STX1A: variants seen among roughly 807,000 people sequenced by gnomAD.
STX1A encodes the protein syntaxin-1A.
STX1A carries 4 observed loss-of-function variants against 37.8 expected under a neutral mutation model. The ratio of observed to expected loss-of-function variants is 0.11; its 90% CI spans 0.05 to 0.24. STX1A has a LOEUF of 0.24. Ranked by LOEUF, STX1A falls within the 10% of genes least tolerant of loss-of-function variation. The probability of loss-of-function intolerance (pLI) is 1.00; values close to 1 mark genes in which losing one functional copy is unlikely to be tolerated. For synonymous variants in STX1A, 135 were observed against 147.4 expected (o/e 0.92, Z 0.61); for missense variants, 251 against 399.9 (o/e 0.63, Z 3.18).
chr7:73,714,362 T>C (rs994297332), intron 1 of STX1A, among the ~76,000 whole-genome samples: 2 of 151,872 alleles, frequency 1.3e-5, no homozygotes, highest in Admixed American at 6.6e-5. Context: ...CCCGCCTCGG[T>C]CTCCCAAAGT....
At chr7:73,715,377 G>A (rs1402468074) in intron 1 of STX1A, among the ~76,000 whole-genome samples, 4 of 150,746 alleles carry the variant, frequency 2.7e-5, no homozygotes, top group African/African-American at 9.8e-5. Flanking sequence ...AGCTGAGATG[G>A]CACCATTGCA....
chr7:73,713,370 T>G (rs1441772636), intron 1 of STX1A, among the ~76,000 whole-genome samples: 2 of 152,150 alleles, frequency 1.3e-5, no homozygotes, highest in African/African-American at 4.8e-5. Flanking sequence ...AAAATGTAAC[T>G]AGGTGATGTG....
Position 73,709,064 on chromosome 7 carries a change from A to T in STX1A, c.89T>A (p.Met30Lys). 1 of 1,614,010 alleles carries T rather than the reference A, an allele frequency of 6.2e-7. No individual in the cohort carries two copies. The highest frequency in any genetic ancestry group is 2.2e-5 in the East Asian group (1 of 44,872). Residue 30 changes from methionine to lysine, a missense_variant, in exon 2 of 10, where the codon ATG (methionine) becomes AAG (lysine). Physicochemically the swap from Met to Lys is moderately conservative, Grantham distance 95. Transcript: ENST00000222812. This position sits in a 1 kb window ranked among gnomAD's most constrained non-coding sequence, Gnocchi z 4.2. ...VAVTVDRDRF[M>K]DEFFEQVEEI... Reference sequence around the variant, plus strand: ...TCCCACCTGCTCAAAGAACTCATCCATGAAGCGGTCTCGGTCCACGGTGAC... The same window carrying T: ...TCCCACCTGCTCAAAGAACTCATCCTTGAAGCGGTCTCGGTCCACGGTGAC...
Position 73,706,955 on chromosome 7 carries a change from G to A in STX1A, c.208+1634C>T, listed in dbSNP as rs1554617104. ...CACCTGACCCATTTTGCCTTCTGAGGGCGGGGCACTGGCTTAGTTGGTGTG... is the reference window on the plus strand; with the variant it reads ...CACCTGACCCATTTTGCCTTCTGAGAGCGGGGCACTGGCTTAGTTGGTGTG... On this transcript the variant is annotated intron_variant, in intron 3 of 9. Transcript: ENST00000222812. This position sits in a 1 kb window ranked among gnomAD's most constrained non-coding sequence, Gnocchi z 4.6. 6.6e-6 allele frequency among the ~76,000 whole-genome samples: 1 copy of A among 152,172 alleles called. No homozygotes were observed. Among genetic ancestry groups the A allele is most frequent in the Non-Finnish European group, 1.5e-5 (1 of 68,036 alleles).
rs999181696 is a variant in STX1A at position 73,700,254 on chromosome 7, G to A, written c.*153C>T. 11 of 697,572 alleles carry A rather than the reference G, an allele frequency of 1.6e-5. 1 individual carries two copies. The highest frequency in any genetic ancestry group is 8.6e-5 in the South Asian group (5 of 57,948). The allele number at this position is 697,572 out of a possible 1,614,324, so 43.2% of individuals were successfully genotyped here. On this transcript the variant is annotated 3_prime_UTR_variant, in exon 10 of 10. Coordinates refer to ENST00000222812, the MANE Select transcript of STX1A (RefSeq NM_004603.4). The surrounding 1 kb of genome is among the most constrained non-coding windows in gnomAD (Gnocchi z 4.4). ...CATGCACACGACACGGGGCGGGGAC[G>A]GAGGGCCCATGGCAGAGAAGGGAGC...
chr7:73,700,696 GGGGCATGGCCTT>G lies in STX1A; in HGVS notation c.789+22_789+33del, dbSNP rs1478523122. The G allele has an allele frequency of 3.1e-6, 5 of 1,612,040 alleles. No individual in the cohort carries two copies. The highest frequency in any genetic ancestry group is 4.2e-6 in the Non-Finnish European group (5 of 1,179,534). On this transcript the variant is annotated intron_variant, in intron 9 of 9. Coordinates refer to ENST00000222812, the MANE Select transcript of STX1A (RefSeq NM_004603.4). This position sits in a 1 kb window ranked among gnomAD's most constrained non-coding sequence, Gnocchi z 4.4. ...TGGTTGGGGGTCCCTAATGGGTGCT[GGGGCATGGCCTT>G]GGGCAGGGCTGGGCTACTGACCCGG...
At position 73,719,534 on chromosome 7, in the gene STX1A, C is replaced by G. The variant is rs1211423126; in HGVS notation, c.30+68G>C. The G allele has an allele frequency of 4.2e-6, 5 of 1,186,484 alleles. No homozygotes were observed. In the African/African-American group the frequency reaches 6.4e-5, roughly 15 times the overall value. The allele number at this position is 1,186,484 out of a possible 1,614,324, so 73.5% of individuals were successfully genotyped here. Reference sequence around the variant, plus strand: ...CACCATCCTGGCCGCGGGAGCCGGGCGGGAAGTGTCCGGCGCGTTGGCGCT... The same window carrying G: ...CACCATCCTGGCCGCGGGAGCCGGGGGGGAAGTGTCCGGCGCGTTGGCGCT... On this transcript the variant is annotated intron_variant, in intron 1 of 9. Transcript: ENST00000222812.
At chr7:73,719,350 A>G (rs1482802519) in intron 1 of STX1A, among the ~76,000 whole-genome samples, 1 of 152,142 alleles carries the variant, frequency 6.6e-6, no homozygotes, top group Non-Finnish European at 1.5e-5. Flanking sequence ...CGAAAAGTTT[A>G]TCCAGGACCC....
In STX1A at chr7:73,717,277, TCAGCC is replaced by T. The variant is rs782280966; in HGVS notation, c.30+2320_30+2324del. ...CCGCTGTCCCCAGCACCATCTCTGT[TCAGCC>T]CAGCCCAGCCCAGCCCGCCCCAGTC... On this transcript the variant is annotated intron_variant, in intron 1 of 9. Coordinates refer to ENST00000222812, the MANE Select transcript of STX1A (RefSeq NM_004603.4). The surrounding 1 kb of genome is among the most constrained non-coding windows in gnomAD (Gnocchi z 4.1). Among the ~76,000 whole-genome samples the T allele has an allele frequency of 3.9e-5, 6 of 151,940 alleles. No homozygotes were observed. Among genetic ancestry groups the T allele is most frequent in the Non-Finnish European group, 8.8e-5 (6 of 67,976 alleles).
Position 73,702,554 on chromosome 7 carries a change from GGCCCACAGT to G in STX1A, c.678+282_678+290del. The G allele has an allele frequency of 1.3e-6, 1 of 787,440 alleles. No individual in the cohort carries two copies. 48.8% of individuals were successfully genotyped at this position (787,440 alleles called of 1,614,324 possible). The stretch of plus-strand genomic sequence containing the variant: ...GCCTTCAGTCTCTGGGGAAATGCGT[GGCCCACAGT>G]GGCCCCATGAGGAAACAGTAGTAGG... On this transcript the variant is annotated intron_variant, in intron 8 of 9. Coordinates refer to ENST00000222812, the MANE Select transcript of STX1A (RefSeq NM_004603.4). This position sits in a 1 kb window ranked among gnomAD's most constrained non-coding sequence, Gnocchi z 4.7.
Position 73,700,478 on chromosome 7 carries a change from T to G in STX1A, c.796A>C (p.Ile266Leu). The change falls in exon 10 of 10, where the codon ATC becomes CTC. Residue 266 changes from isoleucine to leucine, a missense_variant. Around this residue, in one of 2 missense-constraint regions of STX1A, gnomAD observed 214 missense variants for 367.6 expected, o/e 0.58. Coordinates refer to ENST00000222812, the MANE Select transcript of STX1A (RefSeq NM_004603.4). The surrounding 1 kb of genome is among the most constrained non-coding windows in gnomAD (Gnocchi z 4.4). ...ATCACACAGCAGATGATGATCATGA[T>G]TTTCTTCTGCATGGGAAGCGGGCAG... The part of the protein sequence containing the change: ...KYQSKARRKK[I>L]MIIICCVILG... 6.2e-7 allele frequency: 1 copy of G among 1,613,900 alleles called. No homozygotes were observed. Among genetic ancestry groups the G allele is most frequent in the Non-Finnish European group, 8.5e-7 (1 of 1,179,958 alleles).
In STX1A at chr7:73,719,591, G is replaced by A; in HGVS notation, c.30+11C>T. On this transcript the variant is annotated intron_variant, in intron 1 of 9. Coordinates refer to ENST00000222812, the MANE Select transcript of STX1A (RefSeq NM_004603.4). ...GGGCGGCGGGCGGCCGCGCGCTGGG[G>A]CCGGACTCACCGTGCGGAGCTCCTG... 8.3e-7 allele frequency: 1 copy of A among 1,208,736 alleles called. No homozygotes were observed. The highest frequency in any genetic ancestry group is 1.0e-6 in the Non-Finnish European group (1 of 968,240). 74.9% of individuals were successfully genotyped at this position (1,208,736 alleles called of 1,614,324 possible).
Position 73,706,257 on chromosome 7 carries a change from G to C in STX1A, c.209-1033C>G, listed in dbSNP as rs1798866552. On this transcript the variant is annotated intron_variant, in intron 3 of 9. Transcript: ENST00000222812. The surrounding 1 kb of genome is among the most constrained non-coding windows in gnomAD (Gnocchi z 4.6). The stretch of plus-strand genomic sequence containing the variant: ...GTGGAATGCAGTGAGGTGGAGCGGG[G>C]AAGGGGGGGTTCCGAGGCGCGGAGG... Among the ~76,000 whole-genome samples, 1 of 152,166 alleles carries C rather than the reference G, an allele frequency of 6.6e-6. No individual in the cohort carries two copies. The highest frequency in any genetic ancestry group is 1.5e-5 in the Non-Finnish European group (1 of 68,018).
intron 1 of STX1A, among the ~76,000 whole-genome samples, chr7:73,719,306 C>T (rs1309358079): frequency 1.3e-5 from 2 of 152,192 alleles, no homozygotes; most frequent in Non-Finnish European, 2.9e-5. Context: ...AAAACCCCAT[C>T]ATACCCTCCG....
At chr7:73,703,394 G>A (rs1563569109) in intron 7 of STX1A, 4 of 579,276 alleles carry the variant, frequency 6.9e-6, no homozygotes, top group South Asian at 1.5e-5. Context: ...AGCCTGCCTC[G>A]AACACCTGTG....
rs1798792761 is a variant in STX1A, at chr7:73,704,363, A to C, written c.344T>G (p.Ile115Ser). 1 of 1,613,976 alleles carries C rather than the reference A, an allele frequency of 6.2e-7. No homozygotes were observed. Among genetic ancestry groups the C allele is most frequent in the African/African-American group, 1.3e-5 (1 of 74,912 alleles). ...CCGTGGCCGCACCTGTGTCTTCCGG[A>C]TCCTCAGGTCAGCGGAGGAGCGGTT... ...GLNRSSADLR[I>S]RKTQHSTLSR... Residue 115 changes from isoleucine (I) to serine (S), a missense_variant, in exon 5 of 10, where the codon ATC becomes AGC. Transcript: ENST00000222812.
chr7:73,719,456 G>C lies in STX1A; in HGVS notation c.30+146C>G, dbSNP rs868938135. ...GGGGCGGAACCCGGAGGGGGGTCGA[G>C]GTCCCTGGCTCGCCCCGCTCCCTTC... On this transcript the variant is annotated intron_variant, in intron 1 of 9. Coordinates refer to ENST00000222812, the MANE Select transcript of STX1A (RefSeq NM_004603.4). The C allele has an allele frequency of 2.9e-5, 24 of 815,616 alleles. No homozygotes were observed. The African/African-American group carries it at 4.2e-4, about 14-fold the overall frequency. 50.5% of individuals were successfully genotyped at this position (815,616 alleles called of 1,614,324 possible).
chr7:73,700,766 G>A lies in STX1A; in HGVS notation c.753C>T (p.Thr251=). 1 of 1,613,846 alleles carries A rather than the reference G, an allele frequency of 6.2e-7. No homozygotes were observed. The highest frequency in any genetic ancestry group is 8.5e-7 in the Non-Finnish European group (1 of 1,179,964). The part of the protein sequence containing the change: ...VDYVERAVSD[T]KKAVKYQSKA... ...TGCTCTGGTACTTGACGGCCTTCTTGGTGTCAGACACGGCCCTCTCCACAT... is the reference window on the plus strand; with the variant it reads ...TGCTCTGGTACTTGACGGCCTTCTTAGTGTCAGACACGGCCCTCTCCACAT... Residue 251 remains threonine (T), a synonymous_variant, in exon 9 of 10, where the codon ACC becomes ACT. Transcript: ENST00000222812. The surrounding 1 kb of genome is among the most constrained non-coding windows in gnomAD (Gnocchi z 4.4).
chr7:73,705,451 C>T lies in STX1A; in HGVS notation c.209-227G>A, dbSNP rs782234745. On this transcript the variant is annotated intron_variant, in intron 3 of 9. Transcript: ENST00000222812. This position sits in a 1 kb window ranked among gnomAD's most constrained non-coding sequence, Gnocchi z 5.2. ...CTTGTGCTGTCTTCGGAGGAGCCTC[C>T]CTTCCTCCTTTGCTGGCGCCCCCAC... 2 of 526,470 alleles carry T rather than the reference C, an allele frequency of 3.8e-6. No homozygotes were observed. Among genetic ancestry groups the T allele is most frequent in the Non-Finnish European group, 6.8e-6 (2 of 293,912 alleles). The allele number at this position is 526,470 out of a possible 1,614,324, so 32.6% of individuals were successfully genotyped here. A position where few individuals can be genotyped will look rare whatever the true frequency, so the allele number is the denominator to read the frequency against.
Sources: allele counts gnomAD v4.1 joint callset (sites outside exome capture counted in the v4.1 genomes callset), GRCh38; gene constraint gnomAD v4.1.1; regional missense constraint gnomAD v4.1.1; non-coding constraint Gnocchi (gnomAD v3.1); transcripts MANE v1.5; gene names NCBI Gene and HGNC (gene_info 2026-07-23, HGNC 2026-07-21).